Variants in PTPRZ1 observed in about 807,000 individuals in gnomAD.
The protein encoded by PTPRZ1 is receptor-type tyrosine-protein phosphatase zeta.
A neutral mutation model predicts 214.1 loss-of-function variants in PTPRZ1; 82 were observed. That is an observed-to-expected ratio of 0.38 (90% CI 0.32 to 0.46). PTPRZ1 has a LOEUF of 0.46. Ranked by LOEUF, PTPRZ1 falls within the 20% of genes least tolerant of loss-of-function variation. The pLI is 1.00. For synonymous variants in PTPRZ1, 945 were observed against 987.9 expected, an observed-to-expected ratio of 0.96 and a Z score of 0.81; for missense variants, 2,603 against 2,748.7, an observed-to-expected ratio of 0.95 and a Z score of 1.19.
chr7:122,013,500 A>T lies in PTPRZ1; in HGVS notation c.4454A>T (p.Asn1485Ile). The T allele has an allele frequency of 3.7e-6, 6 of 1,614,174 alleles. No individual in the cohort carries two copies. The highest frequency in any genetic ancestry group is 5.1e-6 in the Non-Finnish European group (6 of 1,180,036). ...YSLSENSEED[N>I]RVTSVSSDSQ... ...CTATCTGAGAATTCTGAAGAAGATAATAGAGTCACAAGTGTATCCTCAGAC... is the reference window on the plus strand; with the variant it reads ...CTATCTGAGAATTCTGAAGAAGATATTAGAGTCACAAGTGTATCCTCAGAC... The change falls in exon 12 of 30, where the codon AAT becomes ATT. Residue 1485 changes from asparagine (N) to isoleucine (I), a missense_variant. Transcript: ENST00000393386.
intron 6 of PTPRZ1, among the ~76,000 whole-genome samples, chr7:121,981,758 A>C (rs1192223188): frequency 6.6e-6 from 1 of 151,592 alleles, no homozygotes; most frequent in African/African-American, 2.4e-5. Context: ...ATAAGAATAA[A>C]CCCATATTTA....
intron 12 of PTPRZ1, 101 bp downstream of exon 12, chr7:122,013,990 A>C (rs1236462257): frequency 2.0e-6 from 2 of 991,338 alleles, no homozygotes; most frequent in Admixed American, 2.9e-5. Flanking sequence ...AAAATGGTAC[A>C]TCATCATTTT....
intron 11 of PTPRZ1, among the ~76,000 whole-genome samples, chr7:122,007,885 G>A (rs1169751528): frequency 4.6e-5 from 7 of 152,134 alleles, no homozygotes; most frequent in Non-Finnish European, 8.8e-5. Context: ...TAATCATAGG[G>A]TATGAATGAT....
chr7:121,966,158 T>C (rs1433474408), intron 2 of PTPRZ1, among the ~76,000 whole-genome samples: 1 of 152,152 alleles, frequency 6.6e-6, no homozygotes, highest in East Asian at 1.9e-4. Flanking sequence ...GGAAGGAGCT[T>C]ATTTCAGAGC....
At chr7:121,880,511 T>A (rs1794206666) in intron 1 of PTPRZ1, among the ~76,000 whole-genome samples, 1 of 152,194 alleles carries the variant, frequency 6.6e-6, no homozygotes, top group African/African-American at 2.4e-5. Context: ...ATTTCTTGAA[T>A]CCTAAAGCTC....
intron 12 of PTPRZ1, among the ~76,000 whole-genome samples, chr7:122,015,555 A>G (rs1034016232): frequency 6.6e-6 from 1 of 152,078 alleles, no homozygotes; most frequent in African/African-American, 2.4e-5. Flanking sequence ...GTGCTGTCAT[A>G]TATATGAACT....
At chr7:121,943,923 C>T (rs776187010) in intron 2 of PTPRZ1, among the ~76,000 whole-genome samples, 92 of 152,112 alleles carry the variant, frequency 6.0e-4, no homozygotes, top group Admixed American at 2.2e-3. Flanking sequence ...AAAGCACATG[C>T]ATGAATATAT....
rs1799716042 is a variant in PTPRZ1, at chr7:122,041,044, G to A, written c.5801+65G>A. The A allele has an allele frequency of 3.8e-6, 5 of 1,329,148 alleles. No homozygotes were observed. The South Asian group carries it at 6.9e-5, about 18-fold the overall frequency. The allele number at this position is 1,329,148 out of a possible 1,614,324, so 82.3% of individuals were successfully genotyped here. On this transcript the variant is annotated intron_variant, in intron 21 of 29. Coordinates refer to ENST00000393386, the MANE Select transcript of PTPRZ1 (RefSeq NM_002851.3). Reference sequence around the variant, plus strand: ...TTATACTTGCAAAAAGGAAATCAATGGAACAAAGCTTTTGCCCAAATGGGA... The same window carrying A: ...TTATACTTGCAAAAAGGAAATCAATAGAACAAAGCTTTTGCCCAAATGGGA...
chr7:122,042,856 T>A, intron 22 of PTPRZ1, 113 bp downstream of exon 22: 1 of 1,152,644 alleles, frequency 8.7e-7, no homozygotes, highest in Non-Finnish European at 1.2e-6. Context: ...CTGGGTGGGT[T>A]AGAACAACAG....
chr7:121,954,515 C>G (rs1796649274), intron 2 of PTPRZ1, among the ~76,000 whole-genome samples: 1 of 152,128 alleles, frequency 6.6e-6, no homozygotes, highest in Non-Finnish European at 1.5e-5. Context: ...ATCTAGAAAG[C>G]CTTACTTGTC....
At chr7:121,933,541 C>A (rs1795986762) in intron 2 of PTPRZ1, among the ~76,000 whole-genome samples, 1 of 152,092 alleles carries the variant, frequency 6.6e-6, no homozygotes, top group Non-Finnish European at 1.5e-5. Flanking sequence ...TGGTCACACA[C>A]AAGTCTGTTA....
At chr7:121,973,940 G>GAAAAAAAAA (rs371692415) in intron 4 of PTPRZ1, among the ~76,000 whole-genome samples, 25 of 86,162 alleles carry the variant, frequency 2.9e-4, no homozygotes, top group Middle Eastern at 0.012. Flanking sequence ...TCTCAAAAAA[G>GAAAAAAAAA]AAAAAAAAAA....
intron 23 of PTPRZ1, among the ~76,000 whole-genome samples, chr7:122,050,215 G>C (rs1792125845): frequency 6.6e-6 from 1 of 151,868 alleles, no homozygotes; most frequent in African/African-American, 2.4e-5. Flanking sequence ...GGCCAAGGCA[G>C]GGGGATTGCT....
At chr7:121,951,711 A>G (rs1482204086) in intron 2 of PTPRZ1, among the ~76,000 whole-genome samples, 2 of 152,148 alleles carry the variant, frequency 1.3e-5, no homozygotes, top group Non-Finnish European at 2.9e-5. Flanking sequence ...TAGAAGTCCT[A>G]AGCCCTCCTT....
chr7:121,997,747 A>G, intron 9 of PTPRZ1, 133 bp from the exon 10 acceptor site: 1 of 627,236 alleles, frequency 1.6e-6, no homozygotes, highest in Non-Finnish European at 2.5e-6. Flanking sequence ...CATTGCATAA[A>G]CTTTTCCTTA....
intron 9 of PTPRZ1, among the ~76,000 whole-genome samples, chr7:121,997,114 C>T (rs1211982): frequency 0.93 from 141,098 of 152,190 alleles, 65,779 homozygotes; most frequent in Non-Finnish European, 0.97. Flanking sequence ...TACAGATTCC[C>T]TTTGTGGCCT....
intron 14 of PTPRZ1, among the ~76,000 whole-genome samples, chr7:122,031,025 A>AG (rs1799352655): frequency 6.6e-6 from 1 of 152,070 alleles, no homozygotes; most frequent in Non-Finnish European, 1.5e-5. Flanking sequence ...ACTGTAAGAC[A>AG]TTAAATTGTA....
chr7:121,989,375 G>GTTT (rs11395654), intron 8 of PTPRZ1, among the ~76,000 whole-genome samples: 31 of 137,410 alleles, frequency 2.3e-4, no homozygotes, highest in South Asian at 4.5e-4. Flanking sequence ...TCCTATGAAA[G>GTTT]TTTTTTTTTT....
chr7:121,911,522 A>G (rs1795277416), intron 1 of PTPRZ1, among the ~76,000 whole-genome samples: 3 of 152,114 alleles, frequency 2.0e-5, no homozygotes, highest in Admixed American at 2.0e-4. Context: ...ATTTAAAATA[A>G]CTTTTCATGT....
Sources: allele counts gnomAD v4.1 joint callset (sites outside exome capture counted in the v4.1 genomes callset), GRCh38; gene constraint gnomAD v4.1.1; transcripts MANE v1.5; gene names NCBI Gene and HGNC (gene_info 2026-07-23, HGNC 2026-07-21).